The following HCN1 variants were observed in gnomAD, a reference collection of about 807,000 sequenced individuals.
HCN1 encodes hyperpolarization activated cyclic nucleotide gated potassium channel 1.
In HCN1, 13 loss-of-function variants were observed where a neutral mutation model predicts 78.9. The observed-to-expected ratio is 0.16, with a 90% CI of 0.11 to 0.26. The LOEUF is 0.26. Ranked by LOEUF, HCN1 falls within the 10% of genes least tolerant of loss-of-function variation. The pLI is 1.00. For synonymous variants in HCN1, 552 were observed against 455.5 expected, an observed-to-expected ratio of 1.21 and a Z score of -2.70; for missense variants, 810 against 1,154.3, an observed-to-expected ratio of 0.70 and a Z score of 4.32.
chr5:45,559,463 G>C (rs990972959), intron 2 of HCN1: 1 of 152,186 alleles, frequency 6.6e-6, no homozygotes, highest in Non-Finnish European at 1.5e-5. Context: ...CATTACACAA[G>C]TCTGGAAGAA....
In HCN1 at chr5:45,267,204, A is replaced by G; in HGVS notation, c.1668T>C (p.Asp556=). The G allele has an allele frequency of 1.2e-6, 2 of 1,614,108 alleles. No homozygotes were observed. The highest frequency in any genetic ancestry group is 1.7e-6 in the Non-Finnish European group (2 of 1,179,970). ...KGRRTASVRA[D]TYCRLYSLSV... is the part of the protein sequence containing the mutation. ...AAAGTGAGTAAAGACGACAATATGTATCAGCTCGAACACTGGCAGTACGAC... is the reference window on the plus strand; with the variant it reads ...AAAGTGAGTAAAGACGACAATATGTGTCAGCTCGAACACTGGCAGTACGAC... The change falls in exon 7 of 8, where the codon GAT becomes GAC. Residue 556 remains aspartate, a synonymous_variant. Coordinates refer to ENST00000303230, the MANE Select transcript of HCN1 (RefSeq NM_021072.4).
chr5:45,343,137 A>C (rs1176459771), intron 5 of HCN1, among the ~76,000 whole-genome samples: 1 of 152,216 alleles, frequency 6.6e-6, no homozygotes, highest in Non-Finnish European at 1.5e-5. Flanking sequence ...CAAAACAGCA[A>C]GTTGCACAAT....
At chr5:45,486,699 T>G (rs1741771052) in intron 2 of HCN1, among the ~76,000 whole-genome samples, 1 of 152,088 alleles carries the variant, frequency 6.6e-6, no homozygotes, top group Admixed American at 6.6e-5. Context: ...AAAAACTATC[T>G]TCATAGCTCA....
intron 1 of HCN1, among the ~76,000 whole-genome samples, chr5:45,694,450 C>A (rs1739967601): frequency 6.6e-6 from 1 of 152,180 alleles, no homozygotes; most frequent in Admixed American, 6.6e-5. Flanking sequence ...CAGCTAATGT[C>A]ATTCAGAACT....
At position 45,492,321 on chromosome 5, in the gene HCN1, TGAGA is replaced by T. The variant is rs1210597691; in HGVS notation, c.850-30318_850-30315del. 1.4e-4 allele frequency among the ~76,000 whole-genome samples: 20 copies of T among 141,964 alleles called. No individual in the cohort carries two copies. In the South Asian group the frequency reaches 4.5e-3, roughly 32 times the overall value. 93.1% of individuals were successfully genotyped at this position (141,964 alleles called of 152,430 possible). A position where few individuals can be genotyped will look rare whatever the true frequency, so the allele number is the denominator to read the frequency against. ...ATGTGTGTGTGTGTGTGTGTGTGTG[TGAGA>T]GAGAGAGGATAGGTGTGACAAATAA... is the stretch of plus-strand genomic sequence containing the variant. On this transcript the variant is annotated intron_variant, in intron 2 of 7. Coordinates refer to ENST00000303230, the MANE Select transcript of HCN1 (RefSeq NM_021072.4).
chr5:45,567,914 A>G (rs1211665931), intron 2 of HCN1, among the ~76,000 whole-genome samples: 1 of 1,820 alleles, frequency 5.5e-4, no homozygotes, highest in East Asian at 0.25. Flanking sequence ...TGTGAAGTAC[A>G]CACACACACA....
chr5:45,645,643 A>C (rs764665969), intron 1 of HCN1, 35 bp from the exon 2 acceptor site: 3 of 1,445,054 alleles, frequency 2.1e-6, no homozygotes, highest in Non-Finnish European at 1.9e-6. Context: ...TTTAAGATAT[A>C]GAAAATAACC....
chr5:45,390,581 T>A (rs1739532886), intron 4 of HCN1, among the ~76,000 whole-genome samples: 1 of 152,188 alleles, frequency 6.6e-6, no homozygotes, highest in Non-Finnish European at 1.5e-5. Context: ...CCTGAAAATG[T>A]GAATATCTAC....
At chr5:45,354,615 T>C (rs577401605) in intron 4 of HCN1, among the ~76,000 whole-genome samples, 26 of 152,164 alleles carry the variant, frequency 1.7e-4, no homozygotes, top group Non-Finnish European at 3.4e-4. Flanking sequence ...TTTTCCAACA[T>C]ACTTTCATTT....
chr5:45,297,993 A>C (rs1745533809), intron 6 of HCN1, among the ~76,000 whole-genome samples: 1 of 151,648 alleles, frequency 6.6e-6, no homozygotes, highest in Non-Finnish European at 1.5e-5. Context: ...TGAAAAAAAA[A>C]CTGTTCAATT....
chr5:45,262,795 A>C lies in HCN1; in HGVS notation c.1799T>G (p.Ile600Ser). Residue 600 changes from isoleucine (I) to serine (S), a missense_variant, in exon 8 of 8, where the codon ATT (isoleucine) becomes AGT (serine). This residue lies in a region of HCN1 where 398 missense variants were observed against 381.3 expected (regional missense o/e 1.04). Transcript: ENST00000303230. ...ATCCTTCTGGAACTTTTGCAGAAGA[A>C]TTGAATTTTTCTTTCCTGTCAGCAA... ...RLDRIGKKNSILLQKFQKDLN... is the reference protein window; with the variant it reads ...RLDRIGKKNSSLLQKFQKDLN... The C allele has an allele frequency of 6.2e-7, 1 of 1,613,962 alleles. No individual in the cohort carries two copies.
At chr5:45,606,010 A>C (rs1561217668) in intron 2 of HCN1, among the ~76,000 whole-genome samples, 2 of 151,950 alleles carry the variant, frequency 1.3e-5, no homozygotes, top group African/African-American at 4.8e-5. Context: ...ACATCCTTTA[A>C]TTTTTTAACA....
intron 2 of HCN1, among the ~76,000 whole-genome samples, chr5:45,569,785 T>C (rs1358070586): frequency 1.3e-5 from 2 of 152,064 alleles, no homozygotes; most frequent in Non-Finnish European, 2.9e-5. Context: ...AATTAATCTA[T>C]ATTTTTACAA....
intron 2 of HCN1, among the ~76,000 whole-genome samples, chr5:45,620,573 T>C (rs1745040117): frequency 6.6e-6 from 1 of 151,722 alleles, no homozygotes; most frequent in African/African-American, 2.4e-5. Context: ...CATATATATA[T>C]ATAATGATTA....
intron 3 of HCN1, among the ~76,000 whole-genome samples, chr5:45,431,858 C>A (rs748007164): frequency 3.9e-5 from 6 of 152,060 alleles, no homozygotes; most frequent in Non-Finnish European, 8.8e-5. Context: ...AGTTTGAGGT[C>A]GGATAACATG....
intron 6 of HCN1, among the ~76,000 whole-genome samples, chr5:45,291,062 C>T (rs1220567059): frequency 1.3e-5 from 2 of 151,844 alleles, no homozygotes; most frequent in Non-Finnish European, 1.5e-5. Context: ...TCACTATCAC[C>T]ATCTTTCATA....
intron 2 of HCN1, chr5:45,644,197 T>C (rs1212831961): frequency 6.6e-6 from 1 of 152,176 alleles, no homozygotes; most frequent in African/African-American, 2.4e-5. Flanking sequence ...AAAGTATTTC[T>C]GTAGGGAGGA....
In HCN1 at chr5:45,322,970, T is replaced by A. The variant is rs1326784733; in HGVS notation, c.1378-19131A>T. Among the ~76,000 whole-genome samples the A allele has an allele frequency of 2.0e-5, 3 of 151,844 alleles. No homozygotes were observed. In the Admixed American group the frequency reaches 2.0e-4, roughly 10 times the overall value. On this transcript the variant is annotated intron_variant, in intron 5 of 7. Coordinates refer to ENST00000303230, the MANE Select transcript of HCN1 (RefSeq NM_021072.4). ...CTAATTGCATGGGGTTTTCAGGCAC[T>A]TGAAACACGGCTAGTGTGAGGGAGG... is the stretch of plus-strand genomic sequence containing the variant.
At chr5:45,656,805 T>C (rs1745770730) in intron 1 of HCN1, among the ~76,000 whole-genome samples, 1 of 152,176 alleles carries the variant, frequency 6.6e-6, no homozygotes, top group South Asian at 2.1e-4. Flanking sequence ...CAAAATGATT[T>C]TCTAAAATAA....
Sources: gnomAD v4.1 joint callset for allele counts (sites outside exome capture counted in the v4.1 genomes callset) on GRCh38, gnomAD v4.1.1 for gene constraint, gnomAD v4.1.1 regional missense constraint, MANE v1.5 for transcripts, NCBI Gene and HGNC (gene_info 2026-07-23, HGNC 2026-07-21) for gene names.